Variants in KCNIP4 observed in about 807,000 individuals in gnomAD.
KCNIP4 encodes the protein potassium voltage-gated channel interacting protein 4.
KCNIP4 carries 12 observed loss-of-function variants against 34.0 expected under a neutral mutation model. The observed-to-expected ratio is 0.35, with a 90% confidence interval of 0.23 to 0.57. KCNIP4 has a LOEUF of 0.57. Among genes scored for constraint, KCNIP4 ranks in the 20% least tolerant of loss-of-function variants. The probability of loss-of-function intolerance (pLI) is 0.83; values close to 1 mark genes in which losing one functional copy is unlikely to be tolerated. For synonymous variants in KCNIP4, 124 were observed against 102.2 expected (o/e 1.21, Z -1.29); for missense variants, 238 against 311.7 (o/e 0.76, Z 1.78).
rs201678079 is a variant in KCNIP4, at chr4:21,022,307, C to CAG, written c.62-139600_62-139599dup. Among the ~76,000 whole-genome samples the CAG allele has an allele frequency of 1.9e-3, 290 of 152,330 alleles. 8 individuals are homozygous for CAG. In the East Asian group the frequency reaches 0.048, roughly 25 times the overall value. ...CATAAAATCACATCAGCTGTGCACACAGATGATGTACATTTATTCTGTGTA... is the reference window on the plus strand; with the variant it reads ...CATAAAATCACATCAGCTGTGCACACAGAGATGATGTACATTTATTCTGTGTA... On this transcript the variant is annotated intron_variant, in intron 1 of 8. Transcript: ENST00000382152.
intron 1 of KCNIP4, among the ~76,000 whole-genome samples, chr4:21,262,367 A>T (rs1761527147): frequency 1.3e-5 from 2 of 152,168 alleles, no homozygotes; most frequent in African/African-American, 4.8e-5. Context: ...TTGTTGGAGG[A>T]TGACCTTCAG....
At chr4:20,805,811 G>A (rs903084725) in intron 3 of KCNIP4, among the ~76,000 whole-genome samples, 8 of 152,024 alleles carry the variant, frequency 5.3e-5, no homozygotes, top group East Asian at 3.9e-4. Flanking sequence ...CAAACTGAAC[G>A]GATTTCAATT....
intron 1 of KCNIP4, among the ~76,000 whole-genome samples, chr4:20,997,635 G>A (rs897335384): frequency 4.6e-5 from 7 of 152,182 alleles, no homozygotes; most frequent in Non-Finnish European, 1.5e-5. Context: ...ACCTGAGAGG[G>A]CTGCCCTTAG....
chr4:21,581,196 C>T (rs1045682877), intron 1 of KCNIP4, among the ~76,000 whole-genome samples: 1 of 151,834 alleles, frequency 6.6e-6, no homozygotes, highest in African/African-American at 2.4e-5. Context: ...AAAACAAGCA[C>T]CTTGGTAGAG....
chr4:21,110,552 T>C (rs534391676), intron 1 of KCNIP4, among the ~76,000 whole-genome samples: 1 of 152,266 alleles, frequency 6.6e-6, no homozygotes. Context: ...TCTGGCTTTT[T>C]AATTTTGTTT....
At chr4:20,813,290 G>C (rs1355784455) in intron 3 of KCNIP4, among the ~76,000 whole-genome samples, 1 of 151,984 alleles carries the variant, frequency 6.6e-6, no homozygotes, top group African/African-American at 2.4e-5. Flanking sequence ...CCTCAACAAA[G>C]GGGCAAAAAA....
At chr4:21,938,187 T>C (rs549245757) in intron 1 of KCNIP4, among the ~76,000 whole-genome samples, 1 of 152,266 alleles carries the variant, frequency 6.6e-6, no homozygotes, top group East Asian at 1.9e-4. Flanking sequence ...CAGTCCTATC[T>C]AGTCTAAGTA....
intron 1 of KCNIP4, among the ~76,000 whole-genome samples, chr4:21,697,162 T>C (rs1712407323): frequency 6.6e-6 from 1 of 151,976 alleles, no homozygotes; most frequent in African/African-American, 2.4e-5. Context: ...AAGTCAGTTC[T>C]ACCCCCAAAA....
intron 1 of KCNIP4, among the ~76,000 whole-genome samples, chr4:20,894,173 G>C (rs1352199499): frequency 6.6e-6 from 1 of 152,040 alleles, no homozygotes; most frequent in Non-Finnish European, 1.5e-5. Context: ...GAGCCACCGG[G>C]TTGAAGCATT....
At chr4:21,481,848 G>A (rs75625257) in intron 1 of KCNIP4, among the ~76,000 whole-genome samples, 2,259 of 152,134 alleles carry the variant, frequency 0.015, 62 homozygotes, top group African/African-American at 0.052. Flanking sequence ...GAGAAATGTA[G>A]GAAATTACAT....
intron 1 of KCNIP4, among the ~76,000 whole-genome samples, chr4:21,484,696 G>T (rs1731761096): frequency 6.6e-6 from 1 of 151,906 alleles, no homozygotes; most frequent in African/African-American, 2.4e-5. Context: ...AAAATCCAAG[G>T]GCCACTTTCT....
At chr4:21,498,106 T>C (rs1239999981) in intron 1 of KCNIP4, among the ~76,000 whole-genome samples, 2 of 152,196 alleles carry the variant, frequency 1.3e-5, no homozygotes, top group Non-Finnish European at 2.9e-5. Context: ...TAAAATCTAC[T>C]ATTAGAATGA....
chr4:21,333,059 T>C (rs1340815704), intron 1 of KCNIP4, among the ~76,000 whole-genome samples: 1 of 152,064 alleles, frequency 6.6e-6, no homozygotes, highest in African/African-American at 2.4e-5. Flanking sequence ...TTATTGGTTC[T>C]TTCTTAGCAT....
chr4:20,732,693 T>A lies in KCNIP4; in HGVS notation c.630A>T (p.Glu210Asp). The change falls in exon 7 of 9, where the codon GAA (glutamate) becomes GAT (aspartate). Residue 210 changes from glutamate (E) to aspartate (D), a missense_variant. By Grantham distance (45) the Glu-to-Asp change is conservative. Transcript: ENST00000382152. ...TTTTAATTCCTACCTGAAAAAATGT[T>A]TCAACGTGTTGTCTGGGAGCATCTT... Reference protein sequence around the residue: ...LKEDAPRQHVETFFQKMDKNK... With the variant: ...LKEDAPRQHVDTFFQKMDKNK... 1 of 1,609,568 alleles carries A rather than the reference T, an allele frequency of 6.2e-7. No individual in the cohort carries two copies. The highest frequency in any genetic ancestry group is 1.3e-5 in the African/African-American group (1 of 74,958).
rs896158262 is a variant in KCNIP4, at chr4:21,882,948, TA to T, written c.61+65622del. Among the ~76,000 whole-genome samples the T allele has an allele frequency of 9.2e-5, 14 of 152,282 alleles. No individual in the cohort carries two copies. In the South Asian group the frequency reaches 1.7e-3, roughly 18 times the overall value. The stretch of plus-strand genomic sequence containing the variant: ...TCAACAGAATGTTTTAATACCTGAT[TA>T]TTTTTTTCCCTGAAATTCACTTAAA... On this transcript the variant is annotated intron_variant, in intron 1 of 8. Coordinates refer to ENST00000382152, the MANE Select transcript of KCNIP4 (RefSeq NM_025221.6).
At chr4:21,313,596 C>T (rs1158703982) in intron 1 of KCNIP4, among the ~76,000 whole-genome samples, 1 of 152,110 alleles carries the variant, frequency 6.6e-6, no homozygotes, top group South Asian at 2.1e-4. Context: ...ATTTGAAAAA[C>T]ACACAGGACA....
At chr4:21,575,284 T>A (rs755281202) in intron 1 of KCNIP4, among the ~76,000 whole-genome samples, 1 of 152,154 alleles carries the variant, frequency 6.6e-6, no homozygotes, top group Non-Finnish European at 1.5e-5. Context: ...GAGTCCAAGA[T>A]GATTTGGAGG....
chr4:21,670,530 C>T (rs1235291989), intron 1 of KCNIP4, among the ~76,000 whole-genome samples: 1 of 151,690 alleles, frequency 6.6e-6, no homozygotes, highest in African/African-American at 2.4e-5. Context: ...ATGTAACTAA[C>T]CTGCACAATG....
chr4:21,536,037 C>T (rs1283782739), intron 1 of KCNIP4, among the ~76,000 whole-genome samples: 1 of 152,114 alleles, frequency 6.6e-6, no homozygotes, highest in Non-Finnish European at 1.5e-5. Flanking sequence ...CTGTCACCTG[C>T]CTGACAGTGA....
Sources: gnomAD v4.1 joint callset for allele counts (sites outside exome capture counted in the v4.1 genomes callset) on GRCh38, gnomAD v4.1.1 for gene constraint, MANE v1.5 for transcripts, NCBI Gene and HGNC (gene_info 2026-07-23, HGNC 2026-07-21) for gene names.